The following ACTL6A variants were observed in gnomAD, a reference collection of about 807,000 sequenced individuals.
ACTL6A encodes the protein actin-like protein 6A.
In ACTL6A, 5 loss-of-function variants were observed where a neutral mutation model predicts 59.2. That is an observed-to-expected ratio of 0.08 (90% confidence interval 0.04 to 0.18). The LOEUF is 0.18. ACTL6A is among the 10% of genes least tolerant of loss of function. The pLI is 1.00. For synonymous variants in ACTL6A, 154 were observed against 171.8 expected (o/e 0.90, Z 0.81); for missense variants, 285 against 526.9 (o/e 0.54, Z 4.49).
chr3:179,566,170 A>G (rs1034102335), intron 1 of ACTL6A, among the ~76,000 whole-genome samples: 1 of 152,206 alleles, frequency 6.6e-6, no homozygotes, highest in Admixed American at 6.5e-5. Context: ...CCCATGAGGC[A>G]TCAGATGCAA....
chr3:179,563,357 A>T (rs1717728165), intron 1 of ACTL6A, among the ~76,000 whole-genome samples: 1 of 151,450 alleles, frequency 6.6e-6, no homozygotes, highest in South Asian at 2.1e-4. Flanking sequence ...CTGTCCCCGG[A>T]GGAGCAGGGT....
intron 12 of ACTL6A, chr3:179,584,200 T>A (rs1017106518): frequency 5.9e-5 from 9 of 152,244 alleles, no homozygotes; most frequent in Admixed American, 5.2e-4. Context: ...AGTGGACTGA[T>A]GAGCTCATGT....
chr3:179,564,758 G>A (rs1417823304), intron 1 of ACTL6A, among the ~76,000 whole-genome samples: 1 of 152,132 alleles, frequency 6.6e-6, no homozygotes, highest in African/African-American at 2.4e-5. Flanking sequence ...TATGTGGCAG[G>A]TATAGGCTCT....
intron 8 of ACTL6A, among the ~76,000 whole-genome samples, chr3:179,579,455 T>TATACACACAC (rs1553778005): frequency 4.4e-3 from 643 of 145,128 alleles, no homozygotes; most frequent in South Asian, 0.013. Context: ...TTATATCATA[T>TATACACACAC]ACACACACAC....
chr3:179,576,331 A>T lies in ACTL6A; in HGVS notation c.571+20A>T. ...AACAAGGTAAATGTATTTAACCAGG[A>T]TACACTGAGATGATTTTAGATGCCA... On this transcript the variant is annotated intron_variant, in intron 6 of 13. Transcript: ENST00000429709. 1 of 1,528,046 alleles carries T rather than the reference A, an allele frequency of 6.5e-7. No individual in the cohort carries two copies. Among genetic ancestry groups the T allele is most frequent in the Non-Finnish European group, 8.9e-7 (1 of 1,128,354 alleles). 94.7% of individuals were successfully genotyped at this position (1,528,046 alleles called of 1,614,324 possible). A position where few individuals can be genotyped will look rare whatever the true frequency, so the allele number is the denominator to read the frequency against.
chr3:179,575,923 A>T (rs773847326), intron 5 of ACTL6A, among the ~76,000 whole-genome samples: 1 of 152,204 alleles, frequency 6.6e-6, no homozygotes, highest in African/African-American at 2.4e-5. Flanking sequence ...CAGTCTCCAG[A>T]GACTTTTAGT....
intron 5 of ACTL6A, chr3:179,575,239 C>A: frequency 2.6e-6 from 1 of 378,094 alleles, no homozygotes; most frequent in Non-Finnish European, 5.1e-6. Context: ...GAGGTACTTG[C>A]AGTTCTCTGA....
intron 1 of ACTL6A, among the ~76,000 whole-genome samples, chr3:179,568,725 C>T (rs1426699521): frequency 6.6e-6 from 1 of 152,132 alleles, no homozygotes; most frequent in Non-Finnish European, 1.5e-5. Context: ...ATCTATTTCC[C>T]TGCTGAGAGA....
chr3:179,586,507 C>T, intron 12 of ACTL6A, 39 bp from the exon 13 acceptor site: 1 of 1,200,608 alleles, frequency 8.3e-7, no homozygotes, highest in Non-Finnish European at 1.1e-6. Flanking sequence ...AGTTGAGTCA[C>T]AAGATTTGAT....
chr3:179,569,689 C>A, intron 1 of ACTL6A, 135 bp from the exon 2 acceptor site: 2 of 726,662 alleles, frequency 2.8e-6, no homozygotes, highest in South Asian at 1.7e-5. Flanking sequence ...TTAAGAAATT[C>A]ATTGTAGTCC....
intron 1 of ACTL6A, among the ~76,000 whole-genome samples, chr3:179,564,075 C>G (rs1283383911): frequency 6.6e-6 from 1 of 152,216 alleles, no homozygotes; most frequent in South Asian, 2.1e-4. Flanking sequence ...GTGTCAGCAT[C>G]ACCTGCAAGC....
At position 179,562,949 on chromosome 3, in the gene ACTL6A, T is replaced by A; in HGVS notation, c.-144T>A. The A allele has an allele frequency of 9.5e-7, 1 of 1,049,426 alleles. No individual in the cohort carries two copies. The highest frequency in any genetic ancestry group is 1.4e-6 in the Non-Finnish European group (1 of 702,024). 65.0% of individuals were successfully genotyped at this position (1,049,426 alleles called of 1,614,324 possible). A position where few individuals can be genotyped will look rare whatever the true frequency, so the allele number is the denominator to read the frequency against. On this transcript the variant is annotated 5_prime_UTR_variant, in exon 1 of 14. Transcript: ENST00000429709. Reference sequence around the variant, plus strand: ...GCAAGTGTGGCTGAGCTCCGGGGTGTGTGGACGCCGCTTTGTTGCCTGAGG... The same window carrying A: ...GCAAGTGTGGCTGAGCTCCGGGGTGAGTGGACGCCGCTTTGTTGCCTGAGG...
rs757943639 is a variant in ACTL6A, at chr3:179,570,657, G to C, written c.277+416G>C. On this transcript the variant is annotated intron_variant, in intron 3 of 13. Coordinates refer to ENST00000429709, the MANE Select transcript of ACTL6A (RefSeq NM_004301.5). This position sits in a 1 kb window ranked among gnomAD's most constrained non-coding sequence, Gnocchi z 4.3. ...AAAGCTGGGTAAAGCAAAGGGACCAGCATGTGTGAAGGGATGGAATTGTGA... is the reference window on the plus strand; with the variant it reads ...AAAGCTGGGTAAAGCAAAGGGACCACCATGTGTGAAGGGATGGAATTGTGA... Among the ~76,000 whole-genome samples the C allele has an allele frequency of 4.6e-5, 7 of 152,186 alleles. No individual in the cohort carries two copies. The highest frequency in any genetic ancestry group is 8.8e-5 in the Non-Finnish European group (6 of 68,028).
chr3:179,576,286 C>A lies in ACTL6A; in HGVS notation c.546C>A (p.Val182=). ...SGATHTTAIP[V]HDGYVLQQGI... The stretch of plus-strand genomic sequence containing the variant: ...CCACTCATACCACTGCAATTCCAGT[C>A]CACGATGGCTATGTCCTTCAACAAG... Residue 182 remains valine (V), a synonymous_variant, in exon 6 of 14, where the codon GTC becomes GTA. Coordinates refer to ENST00000429709, the MANE Select transcript of ACTL6A (RefSeq NM_004301.5). 6 of 1,605,378 alleles carry A rather than the reference C, an allele frequency of 3.7e-6. No individual in the cohort carries two copies. The highest frequency in any genetic ancestry group is 5.1e-6 in the Non-Finnish European group (6 of 1,177,752).
At chr3:179,574,643 C>T (rs1718111861) in intron 5 of ACTL6A, 176 bp downstream of exon 5, 3 of 565,360 alleles carry the variant, frequency 5.3e-6, no homozygotes, top group Non-Finnish European at 9.5e-6. Flanking sequence ...TGATGATACA[C>T]CAGAAGGTAT....
intron 8 of ACTL6A, among the ~76,000 whole-genome samples, chr3:179,578,327 G>C (rs929485662): frequency 6.6e-6 from 1 of 152,180 alleles, no homozygotes; most frequent in East Asian, 1.9e-4. Flanking sequence ...GGTGGTGGGT[G>C]CCTGTAATCC....
rs565582842 is a variant in ACTL6A at position 179,582,159 on chromosome 3, A to AT, written c.1026+946dup. Reference sequence around the variant, plus strand: ...AGGACAATAGTAGTATAAGTTTGGGATTTTTTTAGCGCAAATACAATTCCA... The same window carrying AT: ...AGGACAATAGTAGTATAAGTTTGGGATTTTTTTTAGCGCAAATACAATTCCA... On this transcript the variant is annotated intron_variant, in intron 11 of 13. Coordinates refer to ENST00000429709, the MANE Select transcript of ACTL6A (RefSeq NM_004301.5). 1.8e-3 allele frequency among the ~76,000 whole-genome samples: 270 copies of AT among 152,288 alleles called. 1 individual carries two copies. The highest frequency in any genetic ancestry group is 6.0e-3 in the African/African-American group (251 of 41,570).
intron 1 of ACTL6A, among the ~76,000 whole-genome samples, chr3:179,569,110 C>T (rs755619258): frequency 7.2e-5 from 11 of 152,092 alleles, no homozygotes; most frequent in Non-Finnish European, 1.5e-4. Context: ...ATAGAATCAC[C>T]CTAGTTGATG....
chr3:179,579,737 A>G (rs1284934623), intron 8 of ACTL6A, among the ~76,000 whole-genome samples: 1 of 152,196 alleles, frequency 6.6e-6, no homozygotes, highest in Non-Finnish European at 1.5e-5. Flanking sequence ...GCATTGAGCC[A>G]AGATTGTGCC....
Sources: gnomAD v4.1 joint callset for allele counts (sites outside exome capture counted in the v4.1 genomes callset) on GRCh38, gnomAD v4.1.1 for gene constraint, Gnocchi (gnomAD v3.1) non-coding constraint, MANE v1.5 for transcripts, NCBI Gene and HGNC (gene_info 2026-07-23, HGNC 2026-07-21) for gene names.